The following ABCB4 variants were observed in gnomAD, a reference collection of about 807,000 sequenced individuals.
ABCB4 encodes the protein ATP binding cassette subfamily B member 4, also known as phosphatidylcholine translocator ABCB4.
Under a neutral mutation model 145.7 loss-of-function variants are expected in ABCB4, and 76 were observed. The observed-to-expected ratio is 0.52, with a 90% CI of 0.43 to 0.63. The LOEUF (loss-of-function observed/expected upper bound fraction) is 0.63. Ranked by LOEUF, ABCB4 falls within the 30% of genes least tolerant of loss-of-function variation. The pLI, the probability that ABCB4 is intolerant of heterozygous loss-of-function variation, is 0.00. For missense variants in ABCB4, 1,234 were observed against 1,553.1 expected, an observed-to-expected ratio of 0.79 and a Z score of 3.45; for synonymous variants, 517 against 566.8, an observed-to-expected ratio of 0.91 and a Z score of 1.25.
chr7:87,381,219 C>T, the ABCB4 span, among the ~76,000 whole-genome samples: 2 of 152,118 alleles, frequency 1.3e-5, no homozygotes, highest in Non-Finnish European at 1.5e-5. Flanking sequence ...CACAAGGAAC[C>T]GTCTGATGTA....
the ABCB4 span, among the ~76,000 whole-genome samples, chr7:87,395,793 G>T: frequency 6.6e-6 from 1 of 152,012 alleles, no homozygotes; most frequent in Non-Finnish European, 1.5e-5. Context: ...TGGTCTACTT[G>T]CCCCCAGACA....
At position 87,443,911 on chromosome 7, in the gene ABCB4, G is replaced by A. The variant is rs567801409; in HGVS notation, c.1120-138C>T. ...TTACATAAGAAAAACCCAAGATGAAGATTGTGTGTATATGTATGTGTGCTG... is the reference window on the plus strand; with the variant it reads ...TTACATAAGAAAAACCCAAGATGAAAATTGTGTGTATATGTATGTGTGCTG... On this transcript the variant is annotated intron_variant, in intron 10 of 27. Coordinates refer to ENST00000649586, the MANE Select transcript of ABCB4 (RefSeq NM_000443.4). 1.8e-5 allele frequency: 13 copies of A among 704,776 alleles called. No homozygotes were observed. The East Asian group carries it at 3.5e-4, about 19-fold the overall frequency. The allele number at this position is 704,776 out of a possible 1,614,324, so 43.7% of individuals were successfully genotyped here. A position where few individuals can be genotyped will look rare whatever the true frequency, so the allele number is the denominator to read the frequency against.
At chr7:87,444,498 C>T (rs1488902028) in intron 10 of ABCB4, among the ~76,000 whole-genome samples, 1 of 152,014 alleles carries the variant, frequency 6.6e-6, no homozygotes, top group East Asian at 1.9e-4. Context: ...ATTTTGGTCC[C>T]ACCGATAATT....
At chr7:87,407,990 C>A in intron 25 of ABCB4, 47 bp downstream of exon 25, 7 of 1,607,222 alleles carry the variant, frequency 4.4e-6, no homozygotes, top group Non-Finnish European at 6.0e-6. Flanking sequence ...ATTGGTTGGG[C>A]CAATTAAAAT....
intron 5 of ABCB4, 99 bp downstream of exon 5, chr7:87,454,436 G>A: frequency 1.0e-6 from 1 of 966,980 alleles, no homozygotes; most frequent in Non-Finnish European, 1.6e-6. Flanking sequence ...AGGTGAATCT[G>A]GGTAAAGAGT....
At chr7:87,406,149 G>A in intron 26 of ABCB4, 139 bp downstream of exon 26, 1 of 827,638 alleles carries the variant, frequency 1.2e-6, no homozygotes, top group South Asian at 1.5e-5. Flanking sequence ...AGGAAGCTTG[G>A]TATCCTGAAG....
intron 4 of ABCB4, among the ~76,000 whole-genome samples, chr7:87,460,549 T>C (rs45488798): frequency 0.024 from 3,621 of 152,314 alleles, 141 homozygotes; most frequent in African/African-American, 0.083. Flanking sequence ...TATTTGGTTT[T>C]CTATTCTTGT....
intron 16 of ABCB4, 101 bp downstream of exon 16, chr7:87,426,649 G>T: frequency 8.6e-7 from 1 of 1,166,696 alleles, no homozygotes; most frequent in Non-Finnish European, 1.3e-6. Flanking sequence ...GCTCATAGTA[G>T]CAGTCATCTG....
At chr7:87,405,772 G>A (rs1209430295) in intron 26 of ABCB4, 1 of 186,182 alleles carries the variant, frequency 5.4e-6, no homozygotes, top group African/African-American at 2.4e-5. Context: ...CAATACAGCT[G>A]CACAGAACTA....
the ABCB4 span, among the ~76,000 whole-genome samples, chr7:87,370,423 T>C: frequency 6.6e-6 from 1 of 152,148 alleles, no homozygotes; most frequent in Admixed American, 6.5e-5. Flanking sequence ...CCTTAAATAA[T>C]CCGCCTGCCT....
At chr7:87,398,352 A>G (rs1320015004), downstream of ABCB4, 1 of 781,630 alleles carries the variant, frequency 1.3e-6, no homozygotes, top group Non-Finnish European at 2.2e-6. Context: ...GTTTCTTAGC[A>G]TTATCTACAG....
At chr7:87,454,429 T>A in intron 5 of ABCB4, 106 bp downstream of exon 5, 1 of 908,902 alleles carries the variant, frequency 1.1e-6, no homozygotes, top group South Asian at 1.6e-5. Flanking sequence ...TAATAATAGG[T>A]GAATCTGGGT....
chr7:87,456,902 T>C (rs17149644), intron 4 of ABCB4, among the ~76,000 whole-genome samples: 40,104 of 151,416 alleles, frequency 0.26, 6,440 homozygotes, highest in African/African-American at 0.46. Flanking sequence ...TGAAAAGTCA[T>C]GGCCTGCTAG....
chr7:87,438,197 T>G (rs1394821594), intron 14 of ABCB4, among the ~76,000 whole-genome samples: 1 of 152,184 alleles, frequency 6.6e-6, no homozygotes, highest in Non-Finnish European at 1.5e-5. Flanking sequence ...CTACCCGACT[T>G]TACTCTAAAA....
chr7:87,449,923 G>A, intron 8 of ABCB4, 45 bp downstream of exon 8: 1 of 1,613,872 alleles, frequency 6.2e-7, no homozygotes, highest in South Asian at 1.1e-5. Context: ...GCAACAAAAT[G>A]TAAAAACACA....
chr7:87,475,608 G>A, intron 1 of ABCB4, 26 bp downstream of exon 1: 1 of 811,988 alleles, frequency 1.2e-6, no homozygotes. Flanking sequence ...TCCCTTCGAG[G>A]CCAGACGCGC....
At chr7:87,437,054 T>C (rs1562973091) in intron 14 of ABCB4, among the ~76,000 whole-genome samples, 1 of 152,206 alleles carries the variant, frequency 6.6e-6, no homozygotes, top group Admixed American at 6.5e-5. Flanking sequence ...GGAAGAAATG[T>C]AAATAATTGT....
At chr7:87,457,573 C>CA (rs1351655469) in intron 4 of ABCB4, among the ~76,000 whole-genome samples, 1 of 152,192 alleles carries the variant, frequency 6.6e-6, no homozygotes, top group Non-Finnish European at 1.5e-5. Context: ...GATGAAGAGA[C>CA]AGAGTGGGTT....
intron 8 of ABCB4, 59 bp from the exon 9 acceptor site, chr7:87,447,264 TCA>T: frequency 1.3e-6 from 2 of 1,543,870 alleles, no homozygotes; most frequent in African/African-American, 1.4e-5. Flanking sequence ...ATAGTCCGAG[TCA>T]CACTCGGCTC....
Sources: allele counts gnomAD v4.1 joint callset (sites outside exome capture counted in the v4.1 genomes callset), GRCh38; gene constraint gnomAD v4.1.1; transcripts MANE v1.5; gene names NCBI Gene and HGNC (gene_info 2026-07-23, HGNC 2026-07-21).